Variants in GABBR2 observed in about 807,000 individuals in gnomAD.
The protein encoded by GABBR2 is gamma-aminobutyric acid type B receptor subunit 2, also known as G-protein coupled receptor 51.
In GABBR2, 23 loss-of-function variants were observed where a neutral mutation model predicts 105.6. That is an observed-to-expected ratio of 0.22 (90% CI 0.16 to 0.31). GABBR2 has a LOEUF of 0.31. Among genes scored for constraint, GABBR2 ranks in the 10% least tolerant of loss-of-function variants. The probability of loss-of-function intolerance (pLI) is 1.00; values close to 1 mark genes in which losing one functional copy is unlikely to be tolerated. For synonymous variants in GABBR2, 478 were observed against 499.7 expected (o/e 0.96, Z 0.58); for missense variants, 734 against 1,245.5 (o/e 0.59, Z 6.18).
At chr9:98,464,305 G>A (rs1442302342) in intron 6 of GABBR2, among the ~76,000 whole-genome samples, 1 of 146,810 alleles carries the variant, frequency 6.8e-6, no homozygotes, top group Non-Finnish European at 1.5e-5. Flanking sequence ...AGGAAGTGAG[G>A]AGTACCTCAG....
At chr9:98,404,377 C>T (rs1052708726) in intron 8 of GABBR2, among the ~76,000 whole-genome samples, 1 of 152,204 alleles carries the variant, frequency 6.6e-6, no homozygotes, top group African/African-American at 2.4e-5. Flanking sequence ...GGTATGTCTA[C>T]AAGATTGCAT....
At chr9:98,668,422 G>A (rs1423066583) in intron 1 of GABBR2, among the ~76,000 whole-genome samples, 2 of 152,178 alleles carry the variant, frequency 1.3e-5, no homozygotes, top group Admixed American at 6.5e-5. Context: ...AAATATTAAA[G>A]CTAGAAATGA....
At chr9:98,617,970 C>A (rs1829612441) in intron 1 of GABBR2, among the ~76,000 whole-genome samples, 1 of 152,214 alleles carries the variant, frequency 6.6e-6, no homozygotes, top group Admixed American at 6.5e-5. Context: ...GGGATGACAT[C>A]TATCCAATTG....
intron 9 of GABBR2, 33 bp from the exon 10 acceptor site, chr9:98,389,037 C>T (rs199754287): frequency 6.3e-7 from 1 of 1,581,070 alleles, no homozygotes; most frequent in Admixed American, 1.7e-5. Flanking sequence ...CAGTGGGACC[C>T]AATGCAAGTC....
chr9:98,697,799 C>A (rs1255265761), intron 1 of GABBR2, among the ~76,000 whole-genome samples: 1 of 152,170 alleles, frequency 6.6e-6, no homozygotes, highest in African/African-American at 2.4e-5. Flanking sequence ...GAGTGACAAC[C>A]AAGCCAACTC....
intron 7 of GABBR2, 118 bp downstream of exon 7, chr9:98,453,863 G>A (rs1826277674): frequency 1.3e-6 from 1 of 767,814 alleles, no homozygotes; most frequent in South Asian, 1.6e-5. Context: ...CCTGCAATTA[G>A]TTATTTCAAT....
At position 98,417,310 on chromosome 9, in the gene GABBR2, G is replaced by T. The variant is rs184256477; in HGVS notation, c.1237-11169C>A. On this transcript the variant is annotated intron_variant, in intron 7 of 18. Transcript: ENST00000259455. ...GCTCCCCAGGGTAAGAGGACTGAGA[G>T]ACATGCAGAGTGGCCCAAGGTGGAG... Among the ~76,000 whole-genome samples the T allele has an allele frequency of 7.2e-5, 11 of 152,344 alleles. No homozygotes were observed. In the East Asian group the frequency reaches 2.1e-3, roughly 29 times the overall value.
chr9:98,342,413 G>A (rs1420423250), intron 13 of GABBR2, among the ~76,000 whole-genome samples: 1 of 152,152 alleles, frequency 6.6e-6, no homozygotes, highest in Non-Finnish European at 1.5e-5. Context: ...ATCATCAAAG[G>A]CCTCCTGAGC....
chr9:98,414,932 G>T (rs537137477), intron 7 of GABBR2, among the ~76,000 whole-genome samples: 15 of 152,184 alleles, frequency 9.9e-5, no homozygotes, highest in African/African-American at 3.6e-4. Flanking sequence ...GAATGATCAC[G>T]TGGAAAGGCT....
At chr9:98,482,733 T>C (rs947115032) in intron 4 of GABBR2, among the ~76,000 whole-genome samples, 1 of 152,090 alleles carries the variant, frequency 6.6e-6, no homozygotes, top group Non-Finnish European at 1.5e-5. Flanking sequence ...GAGCCTCAAT[T>C]CCTTCATCTC....
At chr9:98,347,914 C>G (rs11515524) in intron 13 of GABBR2, among the ~76,000 whole-genome samples, 6 of 152,134 alleles carry the variant, frequency 3.9e-5, no homozygotes, top group African/African-American at 1.2e-4. Context: ...GTAAGTCTCA[C>G]GAGACCTGAT....
rs370261413 is a variant in GABBR2 at position 98,612,052 on chromosome 9, C to G, written c.322-33980G>C. Among the ~76,000 whole-genome samples, 7 of 152,352 alleles carry G rather than the reference C, an allele frequency of 4.6e-5. No homozygotes were observed. The East Asian group carries it at 9.6e-4, about 21-fold the overall frequency. On this transcript the variant is annotated intron_variant, in intron 1 of 18. Transcript: ENST00000259455. The stretch of plus-strand genomic sequence containing the variant: ...GCCCTGCCCAGGAAGAGAGAAGGGA[C>G]CACCTGCAGATTGTCCCCAGAGTCA...
chr9:98,447,217 A>G (rs1465205720), intron 7 of GABBR2, among the ~76,000 whole-genome samples: 2 of 140,326 alleles, frequency 1.4e-5, no homozygotes, highest in Non-Finnish European at 1.6e-5. Context: ...GCCCGCCACT[A>G]CGCCCGGCTA....
At chr9:98,303,503 G>T in intron 15 of GABBR2, 80 bp from the exon 16 acceptor site, 1 of 1,272,736 alleles carries the variant, frequency 7.9e-7, no homozygotes, top group Non-Finnish European at 1.1e-6. Context: ...GACTCTCCCA[G>T]CAGATCCTGC....
intron 1 of GABBR2, among the ~76,000 whole-genome samples, chr9:98,684,695 T>C (rs1830598772): frequency 6.6e-6 from 1 of 152,190 alleles, no homozygotes; most frequent in African/African-American, 2.4e-5. Flanking sequence ...AAACCAAATA[T>C]TGTGTGATAC....
chr9:98,609,298 G>A (rs951532761), intron 1 of GABBR2, among the ~76,000 whole-genome samples: 18 of 152,094 alleles, frequency 1.2e-4, no homozygotes, highest in Non-Finnish European at 1.8e-4. Context: ...ACCCACCTCA[G>A]GTGCCCTACA....
At chr9:98,516,433 G>A (rs1303598843) in intron 3 of GABBR2, 2 of 152,270 alleles carry the variant, frequency 1.3e-5, no homozygotes, top group Non-Finnish European at 2.9e-5. Flanking sequence ...TGGGGAAACT[G>A]AAGTCCCAAG....
chr9:98,693,661 C>G (rs1830713370), intron 1 of GABBR2, among the ~76,000 whole-genome samples: 1 of 152,180 alleles, frequency 6.6e-6, no homozygotes, highest in Non-Finnish European at 1.5e-5. Context: ...GAATACGGAG[C>G]CAGACCAGAG....
intron 7 of GABBR2, among the ~76,000 whole-genome samples, chr9:98,410,315 TG>T (rs1832563810): frequency 6.6e-6 from 1 of 152,080 alleles, no homozygotes; most frequent in Non-Finnish European, 1.5e-5. Flanking sequence ...TTGGTAACTC[TG>T]GCCGGGGTGG....
Sources: allele counts gnomAD v4.1 joint callset (sites outside exome capture counted in the v4.1 genomes callset), GRCh38; gene constraint gnomAD v4.1.1; transcripts MANE v1.5; gene names NCBI Gene and HGNC (gene_info 2026-07-23, HGNC 2026-07-21).